Variants in VWA8 observed in about 807,000 individuals in gnomAD.
The protein encoded by VWA8 is von Willebrand factor A domain containing 8, also known as von Willebrand factor A domain-containing protein 8.
VWA8 carries 221 observed loss-of-function variants against 241.5 expected under a neutral mutation model. The ratio of observed to expected loss-of-function variants is 0.91; its 90% CI spans 0.82 to 1.02. The LOEUF is 1.02. Ranked by LOEUF, VWA8 falls within the 50% of genes least tolerant of loss-of-function variation. VWA8 has a pLI of 0.00. For synonymous variants in VWA8, 852 were observed against 827.1 expected (o/e 1.03, Z -0.52); for missense variants, 2,322 against 2,328.7 (o/e 1.00, Z 0.06).
intron 4 of VWA8, among the ~76,000 whole-genome samples, chr13:41,898,315 T>C (rs1875233789): frequency 7.7e-6 from 1 of 129,898 alleles, no homozygotes; most frequent in South Asian, 2.3e-4. Context: ...AGATACAGAG[T>C]GCCAATTGGT....
At chr13:41,899,760 T>C (rs76927645) in intron 4 of VWA8, among the ~76,000 whole-genome samples, 1 of 152,186 alleles carries the variant, frequency 6.6e-6, no homozygotes, top group Admixed American at 6.5e-5. Context: ...TTAAGTAATA[T>C]AGCAACAACG....
intron 2 of VWA8, among the ~76,000 whole-genome samples, chr13:41,939,218 G>A (rs1292181364): frequency 6.6e-6 from 1 of 152,152 alleles, no homozygotes; most frequent in Admixed American, 6.5e-5. Flanking sequence ...TTGAAAACTT[G>A]CTATGCTGGA....
chr13:41,605,310 T>C, intron 39 of VWA8, 34 bp from the exon 40 acceptor site: 3 of 1,600,444 alleles, frequency 1.9e-6, no homozygotes, highest in South Asian at 2.2e-5. Flanking sequence ...GTTAACAGCT[T>C]AAATCACGTA....
At chr13:41,732,266 GCTTCCC>G in intron 21 of VWA8, 111 bp from the exon 22 acceptor site, 1 of 911,114 alleles carries the variant, frequency 1.1e-6, no homozygotes, top group Non-Finnish European at 1.6e-6. Context: ...TCATCATCCT[GCTTCCC>G]CTTCCCCCAC....
intron 16 of VWA8, among the ~76,000 whole-genome samples, chr13:41,813,942 G>A (rs1277569925): frequency 6.6e-6 from 1 of 152,084 alleles, no homozygotes; most frequent in Non-Finnish European, 1.5e-5. Context: ...TGGTTATACA[G>A]TTTAAGAGTA....
chr13:41,829,032 G>C (rs550593856), intron 14 of VWA8, among the ~76,000 whole-genome samples: 2 of 152,248 alleles, frequency 1.3e-5, no homozygotes, highest in Admixed American at 6.5e-5. Flanking sequence ...CCAGTTAATT[G>C]TGGGCCCAGC....
At chr13:41,876,814 T>A (rs983967740) in intron 9 of VWA8, among the ~76,000 whole-genome samples, 4 of 149,662 alleles carry the variant, frequency 2.7e-5, no homozygotes, top group Non-Finnish European at 5.9e-5. Context: ...TTGTTCCCAA[T>A]GCTCTCTAAG....
rs142498224 is a variant in VWA8 at position 41,920,534 on chromosome 13, A to G, written c.242-8366T>C. Among the ~76,000 whole-genome samples the G allele has an allele frequency of 3.7e-3, 563 of 152,352 alleles. 2 individuals are homozygous for G. Among genetic ancestry groups the G allele is most frequent in the African/African-American group, 0.013 (533 of 41,594 alleles). On this transcript the variant is annotated intron_variant, in intron 2 of 44. Coordinates refer to ENST00000379310, the MANE Select transcript of VWA8 (RefSeq NM_015058.2). ...TTGAAAAGATCAATAAAATTGATAG[A>G]CCGCTAGCAAGACTAATAAAGAAGA...
intron 21 of VWA8, among the ~76,000 whole-genome samples, chr13:41,753,239 T>C (rs2045669263): frequency 6.6e-6 from 1 of 152,068 alleles, no homozygotes; most frequent in African/African-American, 2.4e-5. Context: ...ACCAAGAGCA[T>C]AGGTCATGTT....
chr13:41,688,517 G>A (rs1249547900), intron 34 of VWA8, among the ~76,000 whole-genome samples: 2 of 152,004 alleles, frequency 1.3e-5, no homozygotes, highest in Admixed American at 1.3e-4. Context: ...AATTCAAATA[G>A]CTTCTCCTTT....
intron 40 of VWA8, among the ~76,000 whole-genome samples, chr13:41,600,409 A>G (rs2044513704): frequency 6.6e-6 from 1 of 152,066 alleles, no homozygotes; most frequent in South Asian, 2.1e-4. Context: ...TGTGCTAAGA[A>G]AGAGTAACTG....
chr13:41,924,545 G>A (rs1039183579), intron 2 of VWA8, among the ~76,000 whole-genome samples: 1 of 152,114 alleles, frequency 6.6e-6, no homozygotes, highest in Non-Finnish European at 1.5e-5. Flanking sequence ...ACTACTAAGT[G>A]AACAAATACA....
rs564367005 is a variant in VWA8, at chr13:41,727,331, T to C, written c.2639-18A>G. On this transcript the variant is annotated intron_variant, in intron 23 of 44. Transcript: ENST00000379310. The stretch of plus-strand genomic sequence containing the variant: ...AGCAGAATCTGAAAAACAAAATTTG[T>C]TTATTCTTTATCAATATTTAATAAT... 5.0e-6 allele frequency: 7 copies of C among 1,391,660 alleles called. 1 individual carries two copies. The Admixed American group carries it at 1.6e-4, about 31-fold the overall frequency. The allele number at this position is 1,391,660 out of a possible 1,614,324, so 86.2% of individuals were successfully genotyped here.
intron 37 of VWA8, among the ~76,000 whole-genome samples, chr13:41,661,100 G>T (rs529551935): frequency 6.6e-6 from 1 of 152,120 alleles, no homozygotes; most frequent in Non-Finnish European, 1.5e-5. Flanking sequence ...TCTTGATCTT[G>T]TGATCCGCCC....
chr13:41,899,459 T>C (rs543039022), intron 4 of VWA8, among the ~76,000 whole-genome samples: 35 of 152,214 alleles, frequency 2.3e-4, no homozygotes, highest in Non-Finnish European at 3.8e-4. Flanking sequence ...CCAGAACATA[T>C]GAAAACTAAA....
intron 2 of VWA8, among the ~76,000 whole-genome samples, chr13:41,937,630 G>C (rs991771760): frequency 3.3e-5 from 5 of 152,158 alleles, no homozygotes; most frequent in Admixed American, 3.3e-4. Flanking sequence ...ATAGGCCACA[G>C]ACCAGTACTG....
At chr13:41,574,247 T>C (rs1018223827) in intron 43 of VWA8, among the ~76,000 whole-genome samples, 3 of 149,002 alleles carry the variant, frequency 2.0e-5, no homozygotes, top group African/African-American at 7.4e-5. Flanking sequence ...AAAATCAATA[T>C]ACTCAAATCA....
intron 21 of VWA8, among the ~76,000 whole-genome samples, chr13:41,750,116 A>G (rs1249554831): frequency 2.0e-5 from 3 of 152,096 alleles, no homozygotes; most frequent in African/African-American, 7.2e-5. Context: ...AATCTTCTGG[A>G]AAAGGTTCAC....
chr13:41,817,369 T>C (rs1483453708), intron 15 of VWA8, among the ~76,000 whole-genome samples: 2 of 152,182 alleles, frequency 1.3e-5, no homozygotes, highest in Admixed American at 1.3e-4. Context: ...CTTTTAACTA[T>C]AACAAACTTC....
Sources: allele counts gnomAD v4.1 joint callset (sites outside exome capture counted in the v4.1 genomes callset), GRCh38; gene constraint gnomAD v4.1.1; transcripts MANE v1.5; gene names NCBI Gene and HGNC (gene_info 2026-07-23, HGNC 2026-07-21).